Variants in SPOCK3 observed in about 807,000 individuals in gnomAD.
SPOCK3 encodes the protein testican-3.
SPOCK3 carries 30 observed loss-of-function variants against 56.6 expected under a neutral mutation model. The observed-to-expected ratio is 0.53, with a 90% confidence interval of 0.40 to 0.72. The LOEUF is 0.72. SPOCK3 is among the 30% of genes least tolerant of loss of function. The pLI is 0.00. For synonymous variants in SPOCK3, 196 were observed against 183.3 expected (o/e 1.07, Z -0.56); for missense variants, 527 against 530.0 (o/e 0.99, Z 0.06).
intron 2 of SPOCK3, among the ~76,000 whole-genome samples, chr4:167,096,049 C>A (rs533205551): frequency 2.8e-4 from 43 of 151,822 alleles, no homozygotes; most frequent in Middle Eastern, 3.4e-3. Context: ...ATAAATCTAA[C>A]AAAATAGCTA....
intron 7 of SPOCK3, among the ~76,000 whole-genome samples, chr4:166,768,692 T>C (rs931665224): frequency 6.6e-6 from 1 of 152,202 alleles, no homozygotes; most frequent in Non-Finnish European, 1.5e-5. Flanking sequence ...GAGGAGTATC[T>C]TTGTGGCGTT....
intron 4 of SPOCK3, among the ~76,000 whole-genome samples, chr4:166,974,934 T>C (rs1745780204): frequency 6.6e-6 from 1 of 152,220 alleles, no homozygotes; most frequent in African/African-American, 2.4e-5. Context: ...ATGAGGACTC[T>C]GCCCTCATAA....
At chr4:166,984,432 A>T (rs1746915288) in intron 4 of SPOCK3, among the ~76,000 whole-genome samples, 1 of 152,126 alleles carries the variant, frequency 6.6e-6, no homozygotes, top group African/African-American at 2.4e-5. Flanking sequence ...AAATTTAATC[A>T]GCTTTTGAAT....
At chr4:166,943,780 G>A (rs1039190556) in intron 4 of SPOCK3, among the ~76,000 whole-genome samples, 1 of 152,120 alleles carries the variant, frequency 6.6e-6, no homozygotes, top group Non-Finnish European at 1.5e-5. Context: ...TTAGTTAGAT[G>A]TAACTCTTCC....
intron 4 of SPOCK3, among the ~76,000 whole-genome samples, chr4:166,944,867 T>C (rs183909252): frequency 6.6e-6 from 1 of 152,336 alleles, no homozygotes; most frequent in East Asian, 1.9e-4. Context: ...TTTAAGACTA[T>C]GTAAATATCC....
At chr4:166,888,489 A>G (rs953798185) in intron 6 of SPOCK3, among the ~76,000 whole-genome samples, 2 of 152,080 alleles carry the variant, frequency 1.3e-5, no homozygotes, top group African/African-American at 2.4e-5. Flanking sequence ...AGGCATAAAC[A>G]ATATTTCAAA....
At chr4:167,085,563 G>A (rs1053640609) in intron 2 of SPOCK3, among the ~76,000 whole-genome samples, 2 of 152,126 alleles carry the variant, frequency 1.3e-5, no homozygotes, top group Admixed American at 6.6e-5. Context: ...GAGCCATGTG[G>A]CGAAATTCAT....
chr4:167,179,331 T>C (rs1422577447), intron 2 of SPOCK3, among the ~76,000 whole-genome samples: 1 of 152,168 alleles, frequency 6.6e-6, no homozygotes, highest in Non-Finnish European at 1.5e-5. Flanking sequence ...CTGCAGAGCC[T>C]GTGTCCCGCT....
At chr4:167,139,695 T>C (rs1013612127) in intron 2 of SPOCK3, among the ~76,000 whole-genome samples, 1 of 152,086 alleles carries the variant, frequency 6.6e-6, no homozygotes, top group Non-Finnish European at 1.5e-5. Context: ...GAATTTTATT[T>C]GTCAAAATTT....
intron 6 of SPOCK3, among the ~76,000 whole-genome samples, chr4:166,825,872 G>C (rs549707500): frequency 1.3e-5 from 2 of 151,942 alleles, no homozygotes; most frequent in Non-Finnish European, 2.9e-5. Context: ...ACAATAGAAC[G>C]GACTTTGAGG....
At chr4:166,875,660 T>C (rs1248836739) in intron 6 of SPOCK3, among the ~76,000 whole-genome samples, 1 of 152,172 alleles carries the variant, frequency 6.6e-6, no homozygotes, top group Admixed American at 6.5e-5. Context: ...TGGAAAATAT[T>C]AAATTAGAGT....
chr4:167,161,991 G>A (rs1374007604), intron 2 of SPOCK3, among the ~76,000 whole-genome samples: 1 of 152,018 alleles, frequency 6.6e-6, no homozygotes, highest in Non-Finnish European at 1.5e-5. Flanking sequence ...GTATACATAT[G>A]TAACAAACCT....
intron 8 of SPOCK3, among the ~76,000 whole-genome samples, chr4:166,752,571 TATACAC>T (rs1303587888): frequency 0.029 from 378 of 13,262 alleles, 4 homozygotes; most frequent in South Asian, 0.096. Context: ...TATATATATA[TATACAC>T]ACACACACAC....
chr4:167,160,480 A>G (rs1279444817), intron 2 of SPOCK3, among the ~76,000 whole-genome samples: 1 of 152,182 alleles, frequency 6.6e-6, no homozygotes, highest in Non-Finnish European at 1.5e-5. Context: ...GGTAATTTAT[A>G]GATTCAATGC....
chr4:166,860,952 T>A (rs1731191531), intron 6 of SPOCK3, among the ~76,000 whole-genome samples: 1 of 151,598 alleles, frequency 6.6e-6, no homozygotes, highest in African/African-American at 2.4e-5. Context: ...AAAATTATTA[T>A]TTTGGGTACC....
At chr4:166,852,762 G>A (rs1730259943) in intron 6 of SPOCK3, among the ~76,000 whole-genome samples, 1 of 152,158 alleles carries the variant, frequency 6.6e-6, no homozygotes, top group Non-Finnish European at 1.5e-5. Context: ...TCATTCTTTA[G>A]ATGACAGAAG....
At chr4:166,915,501 A>G (rs1179955870) in intron 4 of SPOCK3, among the ~76,000 whole-genome samples, 1 of 152,202 alleles carries the variant, frequency 6.6e-6, no homozygotes, top group African/African-American at 2.4e-5. Context: ...ATGATATATA[A>G]TATGTAAACA....
intron 2 of SPOCK3, among the ~76,000 whole-genome samples, chr4:167,143,909 C>T (rs938506879): frequency 6.6e-6 from 1 of 151,928 alleles, no homozygotes; most frequent in African/African-American, 2.4e-5. Context: ...TGAGAGTTAA[C>T]ATGGGGCCAG....
intron 2 of SPOCK3, among the ~76,000 whole-genome samples, chr4:167,161,659 G>A (rs1288802849): frequency 2.0e-5 from 3 of 152,110 alleles, no homozygotes; most frequent in Non-Finnish European, 1.5e-5. Flanking sequence ...AACAATGATA[G>A]ACTGGATTAA....
Sources: gnomAD v4.1 joint callset for allele counts (sites outside exome capture counted in the v4.1 genomes callset) on GRCh38, gnomAD v4.1.1 for gene constraint, MANE v1.5 for transcripts, NCBI Gene and HGNC (gene_info 2026-07-23, HGNC 2026-07-21) for gene names.